The following TRIM50 variants were observed in gnomAD, a reference collection of about 807,000 sequenced individuals.
The protein encoded by TRIM50 is tripartite motif containing 50.
A neutral mutation model predicts 44.9 loss-of-function variants in TRIM50; 34 were observed. The ratio of observed to expected loss-of-function variants is 0.76; its 90% CI spans 0.58 to 1.01. The LOEUF is 1.01. Among genes scored for constraint, TRIM50 ranks in the 50% least tolerant of loss-of-function variants. The pLI, the probability that TRIM50 is intolerant of heterozygous loss-of-function variation, is 0.00. For synonymous variants in TRIM50, 307 were observed against 291.1 expected, an observed-to-expected ratio of 1.05 and a Z score of -0.56; for missense variants, 633 against 663.7, an observed-to-expected ratio of 0.95 and a Z score of 0.51.
chr7:73,317,346 G>A (rs1804386945), intron 5 of TRIM50, among the ~76,000 whole-genome samples: 1 of 139,012 alleles, frequency 7.2e-6, no homozygotes, highest in Admixed American at 7.3e-5. Context: ...GAGCCACCAT[G>A]CCAAGACTTT....
chr7:73,327,949 T>G lies in TRIM50; in HGVS notation c.-68A>C. 2 of 528,104 alleles carry G rather than the reference T, an allele frequency of 3.8e-6. No individual in the cohort carries two copies. Among genetic ancestry groups the G allele is most frequent in the Non-Finnish European group, 6.9e-6 (2 of 291,382 alleles). The allele number at this position is 528,104 out of a possible 1,614,324, so 32.7% of individuals were successfully genotyped here. ...CCCATCGTGCTCTCTGTCGCTCCAG[T>G]TAGATGCCCCATCCTGCCCCGCGAG... On this transcript the variant is annotated 5_prime_UTR_variant, in exon 1 of 7. Coordinates refer to ENST00000333149, the MANE Select transcript of TRIM50 (RefSeq NM_178125.3).
chr7:73,316,055 A>G (rs1804351267), intron 6 of TRIM50, among the ~76,000 whole-genome samples: 1 of 151,950 alleles, frequency 6.6e-6, no homozygotes, highest in African/African-American at 2.4e-5. Flanking sequence ...TAATTCTTGT[A>G]TTATTAGTAG....
intron 6 of TRIM50, among the ~76,000 whole-genome samples, chr7:73,316,057 T>C (rs1344863389): frequency 6.6e-6 from 1 of 152,018 alleles, no homozygotes; most frequent in Non-Finnish European, 1.5e-5. Flanking sequence ...ATTCTTGTAT[T>C]ATTAGTAGAG....
At chr7:73,326,401 CCT>C (rs1412716320) in intron 1 of TRIM50, among the ~76,000 whole-genome samples, 1 of 144,706 alleles carries the variant, frequency 6.9e-6, no homozygotes, top group Non-Finnish European at 1.5e-5. Context: ...CCAAGCCTGG[CCT>C]CTTTTTTTTT....
chr7:73,312,845 G>T lies in TRIM50; in HGVS notation c.*76C>A. 1 of 1,198,560 alleles carries T rather than the reference G, an allele frequency of 8.3e-7. No individual in the cohort carries two copies. The highest frequency in any genetic ancestry group is 1.1e-6 in the Non-Finnish European group (1 of 879,714). The allele number at this position is 1,198,560 out of a possible 1,614,324, so 74.2% of individuals were successfully genotyped here. A position where few individuals can be genotyped will look rare whatever the true frequency, so the allele number is the denominator to read the frequency against. ...AAACAGTGACGATATCACCTCAGGC[G>T]GGACCCAGCAGAAGCCCGCGAGTCC... On this transcript the variant is annotated 3_prime_UTR_variant, in exon 7 of 7. Coordinates refer to ENST00000333149, the MANE Select transcript of TRIM50 (RefSeq NM_178125.3).
At chr7:73,318,357 G>A (rs1258596494) in intron 5 of TRIM50, among the ~76,000 whole-genome samples, 15 of 152,010 alleles carry the variant, frequency 9.9e-5, no homozygotes, top group Non-Finnish European at 1.8e-4. Context: ...GGCTGGTCTC[G>A]AACTCCTGGC....
chr7:73,324,491 G>A lies in TRIM50; in HGVS notation c.297C>T (p.Phe99=), dbSNP rs782033772. The change falls in exon 2 of 7, where the codon TTC becomes TTT. Residue 99 remains phenylalanine (F), a synonymous_variant. Coordinates refer to ENST00000333149, the MANE Select transcript of TRIM50 (RefSeq NM_178125.3). ...AGATGAGCTCCTGGTCCTTCTCGCA[G>A]AAAAGGCTGAGCGGGTTCCGGTGGT... The part of the protein sequence containing the change: ...CVHHRNPLSL[F]CEKDQELICG... 12 of 1,613,750 alleles carry A rather than the reference G, an allele frequency of 7.4e-6. 1 individual carries two copies. In the South Asian group the frequency reaches 1.3e-4, roughly 18 times the overall value.
intron 2 of TRIM50, 21 bp from the exon 3 acceptor site, chr7:73,320,263 C>T (rs558421667): frequency 1.2e-6 from 2 of 1,613,984 alleles, no homozygotes; most frequent in South Asian, 2.2e-5. Context: ...CAGGCCATGG[C>T]CCCATGAGCA....
intron 1 of TRIM50, 97 bp downstream of exon 1, chr7:73,327,803 G>A (rs1554546458): frequency 4.0e-6 from 1 of 250,420 alleles, no homozygotes; most frequent in African/African-American, 2.3e-5. Context: ...CATGCCCCAC[G>A]CGCTCCCACT....
chr7:73,325,665 A>T (rs1554545924), intron 1 of TRIM50: 1 of 153,782 alleles, frequency 6.5e-6, no homozygotes, highest in African/African-American at 2.4e-5. Context: ...CACCAGAATC[A>T]GGTGGAAACT....
At chr7:73,314,298 G>A (rs1804308139) in intron 6 of TRIM50, 2 of 333,114 alleles carry the variant, frequency 6.0e-6, no homozygotes, top group Admixed American at 8.5e-5. Flanking sequence ...AGGGTGCAGT[G>A]GCGGACAGCC....
intron 6 of TRIM50, chr7:73,314,710 C>T (rs1390732054): frequency 1.8e-5 from 4 of 216,414 alleles, no homozygotes; most frequent in African/African-American, 2.4e-5. Context: ...ATTAGCCGGG[C>T]GTGGTGGCAC....
chr7:73,321,198 A>G (rs1554544981), intron 2 of TRIM50, among the ~76,000 whole-genome samples: 1 of 152,080 alleles, frequency 6.6e-6, no homozygotes, highest in African/African-American at 2.4e-5. Context: ...CTGCATTGAC[A>G]GCAGGAACTT....
chr7:73,324,488 G>A lies in TRIM50; in HGVS notation c.300C>T (p.Cys100=), dbSNP rs782786496. ...VHHRNPLSLF[C]EKDQELICGL... Reference sequence around the variant, plus strand: ...CACAGATGAGCTCCTGGTCCTTCTCGCAGAAAAGGCTGAGCGGGTTCCGGT... The same window carrying A: ...CACAGATGAGCTCCTGGTCCTTCTCACAGAAAAGGCTGAGCGGGTTCCGGT... The change falls in exon 2 of 7, where the codon TGC becomes TGT. Residue 100 remains cysteine, a synonymous_variant. Transcript: ENST00000333149. 3.8e-5 allele frequency: 61 copies of A among 1,613,654 alleles called. No individual in the cohort carries two copies. Among genetic ancestry groups the A allele is most frequent in the South Asian group, 2.2e-5 (2 of 91,062 alleles).
rs549662577 is a variant in TRIM50, at chr7:73,328,027, G to A, written c.-146C>T. ...CCACGTCCGTGCCTCATCATGACCC[G>A]CACGCTATGGTTACATGCCCCGCCT... On this transcript the variant is annotated 5_prime_UTR_variant, in exon 1 of 7. Transcript: ENST00000333149. The A allele has an allele frequency of 7.5e-6, 5 of 669,178 alleles. No homozygotes were observed. Among genetic ancestry groups the A allele is most frequent in the East Asian group, 5.5e-5 (2 of 36,154 alleles). 41.5% of individuals were successfully genotyped at this position (669,178 alleles called of 1,614,324 possible).
chr7:73,313,070 G>A lies in TRIM50; in HGVS notation c.1315C>T (p.Leu439Phe), dbSNP rs782320493. Residue 439 changes from leucine (L) to phenylalanine (F), a missense_variant, in exon 7 of 7, where the codon CTC (leucine) becomes TTC (phenylalanine). Transcript: ENST00000333149. This position sits in a 1 kb window ranked among gnomAD's most constrained non-coding sequence, Gnocchi z 4.9. ...DADRPDDLRPLYTFQADFQGK... is the reference protein window; with the variant it reads ...DADRPDDLRPFYTFQADFQGK... The stretch of plus-strand genomic sequence containing the variant: ...TGGAAGTCGGCCTGGAAGGTGTAGA[G>A]CGGCCGCAGGTCATCGGGGCGGTCG... 6.3e-7 allele frequency: 1 copy of A among 1,586,864 alleles called. No individual in the cohort carries two copies. The highest frequency in any genetic ancestry group is 8.6e-7 in the Non-Finnish European group (1 of 1,167,206).
chr7:73,313,147 C>T lies in TRIM50; in HGVS notation c.1238G>A (p.Arg413His), dbSNP rs868915961. The T allele has an allele frequency of 6.2e-5, 98 of 1,589,396 alleles. No homozygotes were observed. Among genetic ancestry groups the T allele is most frequent in the Middle Eastern group, 1.7e-4 (1 of 6,038 alleles). Reference sequence around the variant, plus strand: ...CTCATAGTGCAGGTAGAGCCCGATGCGGTGGGGGTGGCCGGCCACGGGCAG... The same window carrying T: ...CTCATAGTGCAGGTAGAGCCCGATGTGGTGGGGGTGGCCGGCCACGGGCAG... ...VPLPVAGHPH[R>H]IGLYLHYEQG... Residue 413 changes from arginine (R) to histidine (H), a missense_variant, in exon 7 of 7, where the codon CGC becomes CAC. Transcript: ENST00000333149. This position sits in a 1 kb window ranked among gnomAD's most constrained non-coding sequence, Gnocchi z 4.9.
Position 73,312,863 on chromosome 7 carries a change from G to C in TRIM50, c.*58C>G. On this transcript the variant is annotated 3_prime_UTR_variant, in exon 7 of 7. Transcript: ENST00000333149. ...CTCAGGCGGGACCCAGCAGAAGCCC[G>C]CGAGTCCCCGGTGCCCCGCCGGGAT... is the stretch of plus-strand genomic sequence containing the variant. 7.3e-7 allele frequency: 1 copy of C among 1,378,926 alleles called. No homozygotes were observed. Among genetic ancestry groups the C allele is most frequent in the Non-Finnish European group, 9.6e-7 (1 of 1,039,616 alleles). 85.4% of individuals were successfully genotyped at this position (1,378,926 alleles called of 1,614,324 possible). A position where few individuals can be genotyped will look rare whatever the true frequency, so the allele number is the denominator to read the frequency against.
chr7:73,313,577 T>G lies in TRIM50; in HGVS notation c.875-67A>C. 1 of 1,345,960 alleles carries G rather than the reference T, an allele frequency of 7.4e-7. No homozygotes were observed. The highest frequency in any genetic ancestry group is 9.9e-7 in the Non-Finnish European group (1 of 1,015,126). 83.4% of individuals were successfully genotyped at this position (1,345,960 alleles called of 1,614,324 possible). On this transcript the variant is annotated intron_variant, in intron 6 of 6. Coordinates refer to ENST00000333149, the MANE Select transcript of TRIM50 (RefSeq NM_178125.3). This position sits in a 1 kb window ranked among gnomAD's most constrained non-coding sequence, Gnocchi z 4.9. The stretch of plus-strand genomic sequence containing the variant: ...GGCAGCAGACCCGGCCCACAGAAGC[T>G]GATGGAGGCCCTGAACTCCCCAAGG...
Sources: allele counts gnomAD v4.1 joint callset (sites outside exome capture counted in the v4.1 genomes callset), GRCh38; gene constraint gnomAD v4.1.1; non-coding constraint Gnocchi (gnomAD v3.1); transcripts MANE v1.5; gene names NCBI Gene and HGNC (gene_info 2026-07-23, HGNC 2026-07-21).